DNER: variants seen among roughly 807,000 people sequenced by gnomAD.
DNER encodes delta/notch like EGF repeat containing, also known as delta and Notch-like epidermal growth factor-related receptor.
Under a neutral mutation model 78.2 loss-of-function variants are expected in DNER, and 33 were observed. The ratio of observed to expected loss-of-function variants is 0.42; its 90% CI spans 0.32 to 0.56. The LOEUF is 0.56. DNER is among the 20% of genes least tolerant of loss of function. The probability of loss-of-function intolerance (pLI) is 0.11; values close to 1 mark genes in which losing one functional copy is unlikely to be tolerated. For missense variants in DNER, 918 were observed against 975.3 expected, an observed-to-expected ratio of 0.94 and a Z score of 0.78; for synonymous variants, 417 against 384.8, an observed-to-expected ratio of 1.08 and a Z score of -0.98.
intron 10 of DNER, among the ~76,000 whole-genome samples, chr2:229,402,932 A>T (rs931297599): frequency 3.9e-5 from 6 of 152,226 alleles, no homozygotes; most frequent in Admixed American, 3.9e-4. Flanking sequence ...ATGCTTGAAG[A>T]GCAGGGAGGC....
At chr2:229,393,075 A>G (rs894566411) in intron 10 of DNER, among the ~76,000 whole-genome samples, 3 of 152,198 alleles carry the variant, frequency 2.0e-5, no homozygotes, top group South Asian at 4.1e-4. Context: ...AAAATAAAAA[A>G]CAAGCCCAAT....
At chr2:229,385,153 G>A (rs754857305) in intron 11 of DNER, among the ~76,000 whole-genome samples, 1 of 148,574 alleles carries the variant, frequency 6.7e-6, no homozygotes, top group South Asian at 2.1e-4. Flanking sequence ...TTCATCCCTA[G>A]GATGCAAGGG....
At chr2:229,486,317 C>T (rs1379406971) in intron 6 of DNER, among the ~76,000 whole-genome samples, 16 of 151,676 alleles carry the variant, frequency 1.1e-4, no homozygotes. Flanking sequence ...ATACATGAAG[C>T]CCATCTATGA....
chr2:229,426,276 C>T (rs181379183), intron 8 of DNER, among the ~76,000 whole-genome samples: 2,684 of 151,874 alleles, frequency 0.018, 85 homozygotes, highest in African/African-American at 0.062. Flanking sequence ...CCTGTCTCTA[C>T]TAAAAATACA....
At chr2:229,699,405 G>A (rs374350184) in intron 1 of DNER, among the ~76,000 whole-genome samples, 25 of 151,908 alleles carry the variant, frequency 1.6e-4, no homozygotes, top group African/African-American at 1.7e-4. Context: ...TTGCTCTGCC[G>A]CCTAGGCTGC....
intron 7 of DNER, among the ~76,000 whole-genome samples, chr2:229,471,954 C>T (rs113931561): frequency 0.019 from 2,869 of 152,288 alleles, 83 homozygotes; most frequent in African/African-American, 0.065. Flanking sequence ...CTACTGACCT[C>T]CAGGCCAGAG....
chr2:229,593,937 C>A (rs1418664518), intron 1 of DNER, among the ~76,000 whole-genome samples: 1 of 152,238 alleles, frequency 6.6e-6, no homozygotes, highest in African/African-American at 2.4e-5. Flanking sequence ...TTCTGAAAGT[C>A]CAAACCTCCA....
At chr2:229,379,133 C>A (rs939633137) in intron 11 of DNER, among the ~76,000 whole-genome samples, 1 of 152,286 alleles carries the variant, frequency 6.6e-6, no homozygotes, top group East Asian at 1.9e-4. Flanking sequence ...TCACACCCAG[C>A]CACTCAGAAT....
intron 7 of DNER, among the ~76,000 whole-genome samples, chr2:229,451,314 G>A (rs959320292): frequency 3.3e-5 from 5 of 152,102 alleles, no homozygotes; most frequent in South Asian, 2.1e-4. Flanking sequence ...AAAATTAGCC[G>A]GGTGTGGTGG....
intron 4 of DNER, among the ~76,000 whole-genome samples, chr2:229,563,757 C>CA (rs1697026789): frequency 4.9e-5 from 5 of 102,046 alleles, no homozygotes; most frequent in South Asian, 3.7e-4. Flanking sequence ...CATCATCATC[C>CA]TCCTCACCCC....
At chr2:229,564,995 A>G (rs1697075559) in intron 4 of DNER, among the ~76,000 whole-genome samples, 1 of 152,174 alleles carries the variant, frequency 6.6e-6, no homozygotes, top group Non-Finnish European at 1.5e-5. Context: ...GGTCTCTTTC[A>G]TAAGGACACT....
intron 1 of DNER, among the ~76,000 whole-genome samples, chr2:229,684,720 C>A (rs1392715690): frequency 6.6e-6 from 1 of 152,160 alleles, no homozygotes; most frequent in East Asian, 1.9e-4. Flanking sequence ...GGGCAGTTTT[C>A]TTGGAGGTGG....
intron 6 of DNER, among the ~76,000 whole-genome samples, chr2:229,510,108 T>C (rs1000132690): frequency 5.3e-5 from 8 of 150,988 alleles, no homozygotes; most frequent in African/African-American, 1.9e-4. Flanking sequence ...CTGTGGCAGA[T>C]GAGAGATCAA....
At chr2:229,517,979 A>G (rs1355319608) in intron 5 of DNER, among the ~76,000 whole-genome samples, 3 of 152,252 alleles carry the variant, frequency 2.0e-5, no homozygotes, top group Non-Finnish European at 2.9e-5. Flanking sequence ...TGCATTGCAC[A>G]TAGTAATGTC....
At chr2:229,604,233 T>G (rs1005779177) in intron 1 of DNER, among the ~76,000 whole-genome samples, 4 of 152,230 alleles carry the variant, frequency 2.6e-5, no homozygotes, top group African/African-American at 9.6e-5. Context: ...ATTTCTTTAT[T>G]TTTAAATAGG....
chr2:229,712,145 T>C (rs1361658346), intron 1 of DNER, among the ~76,000 whole-genome samples: 1 of 152,222 alleles, frequency 6.6e-6, no homozygotes, highest in Non-Finnish European at 1.5e-5. Context: ...TCTGCTCAGG[T>C]GGATGGTGTT....
At chr2:229,702,465 G>T (rs1020894385) in intron 1 of DNER, among the ~76,000 whole-genome samples, 1 of 151,950 alleles carries the variant, frequency 6.6e-6, no homozygotes, top group Non-Finnish European at 1.5e-5. Flanking sequence ...GAGCCATAGA[G>T]GTTAAGGCTG....
intron 4 of DNER, among the ~76,000 whole-genome samples, chr2:229,562,666 C>A (rs1696981688): frequency 6.6e-6 from 1 of 152,118 alleles, no homozygotes; most frequent in Admixed American, 6.6e-5. Flanking sequence ...GCTCTGCCAC[C>A]AGATGGCCTG....
chr2:229,554,496 A>G (rs1696810548), intron 4 of DNER, among the ~76,000 whole-genome samples: 1 of 152,212 alleles, frequency 6.6e-6, no homozygotes, highest in Non-Finnish European at 1.5e-5. Context: ...GTCCGAGACC[A>G]GCCTGGCCAA....
Sources: gnomAD v4.1 joint callset for allele counts (sites outside exome capture counted in the v4.1 genomes callset) on GRCh38, gnomAD v4.1.1 for gene constraint, MANE v1.5 for transcripts, NCBI Gene and HGNC (gene_info 2026-07-23, HGNC 2026-07-21) for gene names.